The following CNTNAP2 variants were observed in gnomAD, a reference collection of about 807,000 sequenced individuals.
CNTNAP2 encodes the protein contactin associated protein 2.
Under a neutral mutation model 155.2 loss-of-function variants are expected in CNTNAP2, and 98 were observed. The ratio of observed to expected loss-of-function variants is 0.63; its 90% CI spans 0.54 to 0.75. The LOEUF (loss-of-function observed/expected upper bound fraction) is 0.75. Ranked by LOEUF, CNTNAP2 falls within the 30% of genes least tolerant of loss-of-function variation. The pLI is 0.00. For synonymous variants in CNTNAP2, 651 were observed against 631.2 expected, an observed-to-expected ratio of 1.03 and a Z score of -0.47; for missense variants, 1,727 against 1,688.1, an observed-to-expected ratio of 1.02 and a Z score of -0.40.
intron 14 of CNTNAP2, among the ~76,000 whole-genome samples, chr7:147,917,745 G>A (rs893032395): frequency 2.6e-5 from 4 of 152,152 alleles, no homozygotes; most frequent in Non-Finnish European, 5.9e-5. Context: ...GCCTCTGTCG[G>A]AAGTGTTAAT....
At chr7:146,261,764 A>C (rs1799922679) in intron 1 of CNTNAP2, among the ~76,000 whole-genome samples, 1 of 152,098 alleles carries the variant, frequency 6.6e-6, no homozygotes, top group Non-Finnish European at 1.5e-5. Flanking sequence ...AGGGAGACTA[A>C]ATTTATTTTC....
chr7:146,987,269 TA>T (rs1028268724), intron 3 of CNTNAP2, among the ~76,000 whole-genome samples: 3 of 152,166 alleles, frequency 2.0e-5, no homozygotes, highest in African/African-American at 4.8e-5. Context: ...TCCTTTTTTG[TA>T]AAGGCCATTT....
At chr7:147,549,876 G>T (rs532905672) in intron 11 of CNTNAP2, among the ~76,000 whole-genome samples, 2 of 152,000 alleles carry the variant, frequency 1.3e-5, no homozygotes, top group Non-Finnish European at 1.5e-5. Context: ...AATAACACAC[G>T]CATTATATTT....
At chr7:147,179,384 T>A (rs1164325176) in intron 8 of CNTNAP2, among the ~76,000 whole-genome samples, 1 of 152,124 alleles carries the variant, frequency 6.6e-6, no homozygotes, top group African/African-American at 2.4e-5. Context: ...GAAACAAGCC[T>A]ACAGAATTAG....
rs139662875 is a variant in CNTNAP2 at position 146,584,616 on chromosome 7, A to C, written c.98-189655A>C. Among the ~76,000 whole-genome samples the C allele has an allele frequency of 6.6e-5, 10 of 152,278 alleles. No homozygotes were observed. The East Asian group carries it at 1.4e-3, about 21-fold the overall frequency. ...ACATCCTCGCACTACATCATTCATCAGAAGAGAGTGCATTATTTCCATAAG... is the reference window on the plus strand; with the variant it reads ...ACATCCTCGCACTACATCATTCATCCGAAGAGAGTGCATTATTTCCATAAG... On this transcript the variant is annotated intron_variant, in intron 1 of 23. Coordinates refer to ENST00000361727, the MANE Select transcript of CNTNAP2 (RefSeq NM_014141.6).
At chr7:146,941,035 T>C (rs186822769) in intron 3 of CNTNAP2, among the ~76,000 whole-genome samples, 5 of 152,240 alleles carry the variant, frequency 3.3e-5, no homozygotes, top group Non-Finnish European at 7.4e-5. Context: ...TTCTGTACTA[T>C]AGTTAGGTCC....
At chr7:148,253,121 A>T (rs1796399451) in intron 20 of CNTNAP2, among the ~76,000 whole-genome samples, 1 of 151,988 alleles carries the variant, frequency 6.6e-6, no homozygotes, top group Non-Finnish European at 1.5e-5. Flanking sequence ...GTATAGATCA[A>T]TCCAAACTTT....
At chr7:147,228,635 C>G (rs1020657096) in intron 8 of CNTNAP2, among the ~76,000 whole-genome samples, 1 of 152,042 alleles carries the variant, frequency 6.6e-6, no homozygotes, top group African/African-American at 2.4e-5. Context: ...TGAAGAATTT[C>G]CATTAGGATA....
intron 2 of CNTNAP2, among the ~76,000 whole-genome samples, chr7:146,824,506 A>G (rs926369594): frequency 3.3e-5 from 5 of 152,196 alleles, no homozygotes; most frequent in Admixed American, 3.3e-4. Flanking sequence ...TCCTACCAAC[A>G]GTGTGAAAAC....
At chr7:147,069,989 G>C (rs1288603234) in intron 4 of CNTNAP2, among the ~76,000 whole-genome samples, 1 of 152,142 alleles carries the variant, frequency 6.6e-6, no homozygotes, top group Admixed American at 6.5e-5. Context: ...GGTCACAGCT[G>C]GATTTCTACA....
intron 23 of CNTNAP2, among the ~76,000 whole-genome samples, chr7:148,411,618 AC>A (rs921229489): frequency 1.3e-5 from 2 of 152,020 alleles, no homozygotes; most frequent in African/African-American, 4.8e-5. Flanking sequence ...AAGTCTGCCT[AC>A]CCAAAGGTTT....
chr7:146,414,475 C>T (rs1261941977), intron 1 of CNTNAP2, among the ~76,000 whole-genome samples: 1 of 152,138 alleles, frequency 6.6e-6, no homozygotes, highest in Non-Finnish European at 1.5e-5. Context: ...CAGCAGCAGC[C>T]GTCATCTGGA....
chr7:147,707,990 G>A (rs851721), intron 13 of CNTNAP2, among the ~76,000 whole-genome samples: 3 of 151,860 alleles, frequency 2.0e-5, no homozygotes, highest in Non-Finnish European at 2.9e-5. Flanking sequence ...GACATAGAGT[G>A]GGGGAGAGAG....
At chr7:146,301,565 G>C (rs1800611181) in intron 1 of CNTNAP2, among the ~76,000 whole-genome samples, 1 of 152,088 alleles carries the variant, frequency 6.6e-6, no homozygotes, top group African/African-American at 2.4e-5. Flanking sequence ...GGCGGAGCTT[G>C]TAGTGAGCCC....
At position 148,147,782 on chromosome 7, in the gene CNTNAP2, A is replaced by T. The variant is rs1285685030; in HGVS notation, c.2773+73A>T. Reference sequence around the variant, plus strand: ...AGCCTGCACAATACAAAAAAAAAAAAAAATCAGCCTATGCAAGGTTTGATA... The same window carrying T: ...AGCCTGCACAATACAAAAAAAAAAATAAATCAGCCTATGCAAGGTTTGATA... On this transcript the variant is annotated intron_variant, in intron 17 of 23. Coordinates refer to ENST00000361727, the MANE Select transcript of CNTNAP2 (RefSeq NM_014141.6). 11 of 1,490,504 alleles carry T rather than the reference A, an allele frequency of 7.4e-6. No homozygotes were observed. In the East Asian group the frequency reaches 2.3e-4, roughly 32 times the overall value. The allele number at this position is 1,490,504 out of a possible 1,614,324, so 92.3% of individuals were successfully genotyped here. A position where few individuals can be genotyped will look rare whatever the true frequency, so the allele number is the denominator to read the frequency against.
rs1799815577 is a variant in CNTNAP2 at position 146,646,539 on chromosome 7, TTAAA to T, written c.98-127729_98-127726del. On this transcript the variant is annotated intron_variant, in intron 1 of 23. Transcript: ENST00000361727. ...GTAAAAGTATATATACACACAGTAG[TTAAA>T]TATGTGTATTTTAAAATTATAATTG... Among the ~76,000 whole-genome samples the T allele has an allele frequency of 2.0e-5, 3 of 152,202 alleles. 1 individual carries two copies. In the South Asian group the frequency reaches 6.2e-4, roughly 32 times the overall value.
chr7:146,660,695 C>G (rs1800072792), intron 1 of CNTNAP2, among the ~76,000 whole-genome samples: 1 of 152,128 alleles, frequency 6.6e-6, no homozygotes. Context: ...TTATATTAAA[C>G]TGATTTTTTT....
intron 3 of CNTNAP2, among the ~76,000 whole-genome samples, chr7:147,016,850 T>C (rs1286890826): frequency 1.3e-5 from 2 of 151,974 alleles, no homozygotes; most frequent in Non-Finnish European, 2.9e-5. Context: ...GAGAAAGGTC[T>C]ACTCCCTAGG....
At chr7:147,486,889 C>CTGTGTGTGTGTGTGTGTGTG (rs10544219) in intron 11 of CNTNAP2, among the ~76,000 whole-genome samples, 3,438 of 146,884 alleles carry the variant, frequency 0.023, 63 homozygotes, top group South Asian at 0.053. Context: ...ACGTATGTGC[C>CTGTGTGTGTGTGTGTGTGTG]TGTGTGTGTG....
Sources: allele counts gnomAD v4.1 joint callset (sites outside exome capture counted in the v4.1 genomes callset), GRCh38; gene constraint gnomAD v4.1.1; transcripts MANE v1.5; gene names NCBI Gene and HGNC (gene_info 2026-07-23, HGNC 2026-07-21).